NDRG1: variants seen among roughly 807,000 people sequenced by gnomAD.
The protein encoded by NDRG1 is N-myc downstream regulated 1.
A neutral mutation model predicts 56.9 loss-of-function variants in NDRG1; 32 were observed. The ratio of observed to expected loss-of-function variants is 0.56; its 90% CI spans 0.42 to 0.76. The LOEUF is 0.76. NDRG1 is among the 30% of genes least tolerant of loss of function. The pLI is 0.00. For missense variants in NDRG1, 507 were observed against 545.7 expected (o/e 0.93, Z 0.71); for synonymous variants, 211 against 204.1 (o/e 1.03, Z -0.29).
chr8:133,288,138 G>C (rs1586497466), intron 1 of NDRG1: 1 of 152,242 alleles, frequency 6.6e-6, no homozygotes, highest in East Asian at 1.9e-4. Flanking sequence ...CACTTTCATG[G>C]ACTCTCACAT....
In NDRG1 at chr8:133,238,480, A is replaced by C; in HGVS notation, c.*398T>G. ...CTCCTCAGTTAAAGAGGAAACGGGAAGTGGGCGGCTGGCCTTCTGACCAGG... is the reference window on the plus strand; with the variant it reads ...CTCCTCAGTTAAAGAGGAAACGGGACGTGGGCGGCTGGCCTTCTGACCAGG... On this transcript the variant is annotated 3_prime_UTR_variant, in exon 16 of 16. Coordinates refer to ENST00000323851, the MANE Select transcript of NDRG1 (RefSeq NM_006096.4). The C allele has an allele frequency of 7.3e-6, 2 of 274,528 alleles. No individual in the cohort carries two copies. The highest frequency in any genetic ancestry group is 1.4e-5 in the Non-Finnish European group (2 of 144,848). 17.0% of individuals were successfully genotyped at this position (274,528 alleles called of 1,614,324 possible). A position where few individuals can be genotyped will look rare whatever the true frequency, so the allele number is the denominator to read the frequency against.
chr8:133,269,560 G>A (rs369884200), intron 3 of NDRG1, among the ~76,000 whole-genome samples: 1 of 152,216 alleles, frequency 6.6e-6, no homozygotes, highest in African/African-American at 2.4e-5. Context: ...CTGAGGCTGA[G>A]AGAGATTAAG....
chr8:133,241,895 T>C (rs1380645944), intron 15 of NDRG1, 128 bp downstream of exon 15: 52 of 1,099,652 alleles, frequency 4.7e-5, no homozygotes, highest in Non-Finnish European at 4.6e-5. Context: ...CACCTAACTG[T>C]TTCCTCCCAG....
chr8:133,259,721 T>C (rs1856567875), intron 5 of NDRG1, among the ~76,000 whole-genome samples: 8 of 152,176 alleles, frequency 5.3e-5, no homozygotes, highest in Admixed American at 5.2e-4. Flanking sequence ...CAGTGATTGA[T>C]CCTCACACAT....
Position 133,238,762 on chromosome 8 carries a change from A to C in NDRG1, c.*116T>G. 8.1e-7 allele frequency: 1 copy of C among 1,237,206 alleles called. No homozygotes were observed. Among genetic ancestry groups the C allele is most frequent in the Non-Finnish European group, 1.1e-6 (1 of 911,202 alleles). 76.6% of individuals were successfully genotyped at this position (1,237,206 alleles called of 1,614,324 possible). A position where few individuals can be genotyped will look rare whatever the true frequency, so the allele number is the denominator to read the frequency against. ...CACCAGAGCTCACTCTTACAAAATA[A>C]GCTTTGGATTAATACCGAGTTAGGC... On this transcript the variant is annotated 3_prime_UTR_variant, in exon 16 of 16. Coordinates refer to ENST00000323851, the MANE Select transcript of NDRG1 (RefSeq NM_006096.4).
At chr8:133,244,795 C>T (rs1855577241) in intron 13 of NDRG1, 2 of 309,688 alleles carry the variant, frequency 6.5e-6, no homozygotes, top group Non-Finnish European at 1.2e-5. Flanking sequence ...TTCATATATT[C>T]CCTTGAAAGT....
chr8:133,273,820 C>T (rs975981611), intron 3 of NDRG1, among the ~76,000 whole-genome samples: 5 of 152,174 alleles, frequency 3.3e-5, no homozygotes, highest in African/African-American at 1.2e-4. Flanking sequence ...TGGCCTTCCA[C>T]AAAGCTCTCC....
intron 11 of NDRG1, 91 bp from the exon 12 acceptor site, chr8:133,248,017 C>T: frequency 7.9e-7 from 1 of 1,263,514 alleles, no homozygotes; most frequent in Non-Finnish European, 1.2e-6. Context: ...CTGCATTCTA[C>T]AAACAATGTC....
At chr8:133,243,088 G>A (rs754447167) in intron 14 of NDRG1, among the ~76,000 whole-genome samples, 1 of 152,186 alleles carries the variant, frequency 6.6e-6, no homozygotes, top group East Asian at 1.9e-4. Context: ...CCAGTGCCCT[G>A]GGTCCTATTC....
At chr8:133,290,125 A>T (rs999833819) in intron 1 of NDRG1, among the ~76,000 whole-genome samples, 1 of 152,020 alleles carries the variant, frequency 6.6e-6, no homozygotes, top group Non-Finnish European at 1.5e-5. Context: ...GTCTGTTAAG[A>T]CTAGTGCCTT....
Position 133,262,229 on chromosome 8 carries a change from T to G in NDRG1, c.206-62A>C, listed in dbSNP as rs188319039. On this transcript the variant is annotated intron_variant, in intron 4 of 15. Transcript: ENST00000323851. ...TAAGATGAGAAAAAAATTAGGTGTC[T>G]CGGTGGCAAAGCACATTCATTTTGT... 1,791 of 1,586,594 alleles carry G rather than the reference T, an allele frequency of 1.1e-3. 11 individuals are homozygous for G. Among genetic ancestry groups the G allele is most frequent in the East Asian group, 6.6e-3 (294 of 44,752 alleles).
intron 2 of NDRG1, among the ~76,000 whole-genome samples, chr8:133,283,413 T>C (rs766615587): frequency 6.6e-6 from 1 of 152,268 alleles, no homozygotes; most frequent in Non-Finnish European, 1.5e-5. Context: ...GATGTAAACA[T>C]GCTTTGAAGC....
rs66733314 is a variant in NDRG1 at position 133,271,778 on chromosome 8, T to TAAAAA, written c.100-7131_100-7127dup. Among the ~76,000 whole-genome samples the TAAAAA allele has an allele frequency of 4.5e-3, 136 of 30,484 alleles. 6 individuals are homozygous for TAAAAA. The highest frequency in any genetic ancestry group is 0.018 in the African/African-American group (131 of 7,436). The allele number at this position is 30,484 out of a possible 152,430, so 20.0% of individuals were successfully genotyped here. A position where few individuals can be genotyped will look rare whatever the true frequency, so the allele number is the denominator to read the frequency against. ...ATGGGCAACAAAGGGAGACCCTGTC[T>TAAAAA]AAAAAAAAAAAAAAAAAAAAAAAAA... On this transcript the variant is annotated intron_variant, in intron 3 of 15. Transcript: ENST00000323851.
At chr8:133,296,541 C>T (rs948667071) in intron 1 of NDRG1, 3 of 455,802 alleles carry the variant, frequency 6.6e-6, no homozygotes, top group Non-Finnish European at 1.3e-5. Flanking sequence ...GGGACTGAAG[C>T]GCCACCAGCC....
chr8:133,260,714 C>G (rs1856618848), intron 5 of NDRG1, among the ~76,000 whole-genome samples: 1 of 152,166 alleles, frequency 6.6e-6, no homozygotes, highest in Admixed American at 6.5e-5. Context: ...GGTTGGCTGT[C>G]CCTTCCCTTC....
intron 3 of NDRG1, among the ~76,000 whole-genome samples, chr8:133,269,930 C>T (rs1437181231): frequency 6.6e-6 from 1 of 152,262 alleles, no homozygotes; most frequent in African/African-American, 2.4e-5. Context: ...GCATGTGTGT[C>T]TTTGTGAGGA....
chr8:133,259,211 C>G lies in NDRG1; in HGVS notation c.346G>C (p.Asp116His). ...CCAGGAAGCATTTCAGCCAGCTGAT[C>G]CATGGAGGGGTACATGTACCTGGGG... Reference protein sequence around the residue: ...FPAGYMYPSMDQLAEMLPGVL... With the variant: ...FPAGYMYPSMHQLAEMLPGVL... Residue 116 changes from aspartate (D) to histidine (H), a missense_variant, in exon 6 of 16, where the codon GAT (aspartate) becomes CAT (histidine). Asp to His is a moderately conservative substitution (Grantham distance 81, BLOSUM62 -1). Transcript: ENST00000323851. 1 of 1,614,178 alleles carries G rather than the reference C, an allele frequency of 6.2e-7. No individual in the cohort carries two copies. Among genetic ancestry groups the G allele is most frequent in the Non-Finnish European group, 8.5e-7 (1 of 1,180,038 alleles).
At chr8:133,239,531 G>A (rs1294507984) in intron 15 of NDRG1, 1 of 274,848 alleles carries the variant, frequency 3.6e-6, no homozygotes, top group Non-Finnish European at 7.2e-6. Flanking sequence ...GAGCAGGGAG[G>A]ACACCTGGGG....
intron 3 of NDRG1, among the ~76,000 whole-genome samples, chr8:133,267,271 C>T (rs1462653620): frequency 3.3e-5 from 5 of 152,194 alleles, no homozygotes; most frequent in Admixed American, 3.3e-4. Flanking sequence ...CTCAAGGTTA[C>T]CTAAAAGTTC....
Sources: gnomAD v4.1 joint callset for allele counts (sites outside exome capture counted in the v4.1 genomes callset) on GRCh38, gnomAD v4.1.1 for gene constraint, MANE v1.5 for transcripts, NCBI Gene and HGNC (gene_info 2026-07-23, HGNC 2026-07-21) for gene names.